Variants in RGS7BP observed in about 807,000 individuals in gnomAD.
RGS7BP encodes regulator of G protein signaling 7-binding protein.
In RGS7BP, 9 loss-of-function variants were observed where a neutral mutation model predicts 31.3. The observed-to-expected ratio is 0.29, with a 90% CI of 0.17 to 0.50. The LOEUF is 0.50. RGS7BP is among the 20% of genes least tolerant of loss of function. The pLI is 0.98. For missense variants in RGS7BP, 274 were observed against 322.0 expected (o/e 0.85, Z 1.14); for synonymous variants, 115 against 120.1 (o/e 0.96, Z 0.28).
intron 2 of RGS7BP, among the ~76,000 whole-genome samples, chr5:64,565,364 T>C (rs1742144984): frequency 6.6e-6 from 1 of 152,162 alleles, no homozygotes; most frequent in Non-Finnish European, 1.5e-5. Flanking sequence ...TGCCTGTGTA[T>C]ATGTATATTC....
At position 64,548,540 on chromosome 5, in the gene RGS7BP, C is replaced by T. The variant is rs538772310; in HGVS notation, c.333-27234C>T. On this transcript the variant is annotated intron_variant, in intron 2 of 5. Transcript: ENST00000334025. ...TTTTTTACTTTCTGAGATGGAGTCT[C>T]GCTCTGTCACCCAGGCTGGAGTGCA... Among the ~76,000 whole-genome samples the T allele has an allele frequency of 1.6e-4, 25 of 152,250 alleles. No homozygotes were observed. The East Asian group carries it at 4.6e-3, about 28-fold the overall frequency.
chr5:64,563,576 A>G (rs141697121), intron 2 of RGS7BP, among the ~76,000 whole-genome samples: 1 of 152,216 alleles, frequency 6.6e-6, no homozygotes, highest in East Asian at 1.9e-4. Flanking sequence ...TTGCCAGAAA[A>G]CTAACAGATG....
intron 2 of RGS7BP, among the ~76,000 whole-genome samples, chr5:64,511,722 G>A (rs1046450068): frequency 9.2e-5 from 14 of 152,154 alleles, no homozygotes; most frequent in Non-Finnish European, 1.6e-4. Flanking sequence ...GACTTTTGAG[G>A]CAACTTGACA....
chr5:64,608,243 T>C (rs1743414499), intron 5 of RGS7BP, among the ~76,000 whole-genome samples: 1 of 152,054 alleles, frequency 6.6e-6, no homozygotes, highest in Non-Finnish European at 1.5e-5. Flanking sequence ...GGGACCCACA[T>C]TGACAAGTTC....
At chr5:64,528,353 G>T (rs994278995) in intron 2 of RGS7BP, among the ~76,000 whole-genome samples, 13 of 152,090 alleles carry the variant, frequency 8.5e-5, no homozygotes, top group African/African-American at 3.1e-4. Context: ...GTGTATTGGT[G>T]GTTATGAAGA....
chr5:64,533,646 T>C (rs1184190526), intron 2 of RGS7BP, among the ~76,000 whole-genome samples: 1 of 152,192 alleles, frequency 6.6e-6, no homozygotes, highest in Non-Finnish European at 1.5e-5. Context: ...CATATTTTTC[T>C]TCCATAAATA....
intron 2 of RGS7BP, among the ~76,000 whole-genome samples, chr5:64,539,088 G>A (rs1014504897): frequency 2.6e-5 from 4 of 152,106 alleles, no homozygotes; most frequent in African/African-American, 9.7e-5. Flanking sequence ...AGTGTAGAGA[G>A]ATATCTTGTG....
intron 2 of RGS7BP, among the ~76,000 whole-genome samples, chr5:64,517,905 C>G (rs556293218): frequency 3.2e-4 from 48 of 151,818 alleles, no homozygotes; most frequent in African/African-American, 1.1e-3. Flanking sequence ...GATTGAGACT[C>G]TTTAAAAAAT....
At chr5:64,507,298 C>G (rs1748718151) in intron 1 of RGS7BP, among the ~76,000 whole-genome samples, 1 of 152,128 alleles carries the variant, frequency 6.6e-6, no homozygotes, top group South Asian at 2.1e-4. Flanking sequence ...CCCTACCTGT[C>G]GCCTCCCCCG....
intron 2 of RGS7BP, among the ~76,000 whole-genome samples, chr5:64,519,114 A>G (rs1749044477): frequency 6.6e-6 from 1 of 152,198 alleles, no homozygotes; most frequent in African/African-American, 2.4e-5. Context: ...CCTGAGGCCT[A>G]GGACAGGATC....
chr5:64,562,236 G>C (rs1424785120), intron 2 of RGS7BP, among the ~76,000 whole-genome samples: 1 of 151,746 alleles, frequency 6.6e-6, no homozygotes, highest in Admixed American at 6.6e-5. Flanking sequence ...TGAATAGCAG[G>C]GACTCAATAA....
intron 2 of RGS7BP, among the ~76,000 whole-genome samples, chr5:64,527,963 T>G (rs1229186232): frequency 6.6e-6 from 1 of 152,232 alleles, no homozygotes; most frequent in Non-Finnish European, 1.5e-5. Flanking sequence ...TGTCAAACCT[T>G]GCATATCAGT....
Position 64,507,782 on chromosome 5 carries a change from C to A in RGS7BP, c.237C>A (p.Val79=). ...ELVISIGDVS[V]SCPSLRAEMH... ...TCATTTCTATTGGGGATGTCTCGGT[C>A]AGCTGCCCCTCACTCCGGGCGGAAA... The change falls in exon 2 of 6, where the codon GTC becomes GTA. Residue 79 remains valine (V), a synonymous_variant. Coordinates refer to ENST00000334025, the MANE Select transcript of RGS7BP (RefSeq NM_001029875.3). The A allele has an allele frequency of 6.2e-7, 1 of 1,613,894 alleles. No homozygotes were observed. Among genetic ancestry groups the A allele is most frequent in the Non-Finnish European group, 8.5e-7 (1 of 1,179,962 alleles).
chr5:64,506,504 T>C lies in RGS7BP; in HGVS notation c.-121T>C, dbSNP rs1417148843. ...CGACCCGCGCAGCCAGCCCCAGCAC[T>C]GTGAGCTGCGCGCCTCAGGTCCGGG... On this transcript the variant is annotated 5_prime_UTR_variant, in exon 1 of 6. Transcript: ENST00000334025. The surrounding 1 kb of genome is among the most constrained non-coding windows in gnomAD (Gnocchi z 4.6). 3 of 802,856 alleles carry C rather than the reference T, an allele frequency of 3.7e-6. No individual in the cohort carries two copies. Among genetic ancestry groups the C allele is most frequent in the Non-Finnish European group, 5.8e-6 (3 of 515,008 alleles). 49.7% of individuals were successfully genotyped at this position (802,856 alleles called of 1,614,324 possible). A position where few individuals can be genotyped will look rare whatever the true frequency, so the allele number is the denominator to read the frequency against.
In RGS7BP at chr5:64,507,696, T is replaced by C; in HGVS notation, c.166-15T>C. ...AAATGTTTGGTAAAAAAAAAAAAACTCACTTCTTTTCCAGCTTGTCCAAGA... is the reference window on the plus strand; with the variant it reads ...AAATGTTTGGTAAAAAAAAAAAAACCCACTTCTTTTCCAGCTTGTCCAAGA... On this transcript the variant is annotated splice_polypyrimidine_tract_variant and intron_variant, in intron 1 of 5. Transcript: ENST00000334025. 1.3e-6 allele frequency: 2 copies of C among 1,534,834 alleles called. No individual in the cohort carries two copies. Among genetic ancestry groups the C allele is most frequent in the East Asian group, 2.3e-5 (1 of 43,512 alleles).
intron 2 of RGS7BP, among the ~76,000 whole-genome samples, chr5:64,536,644 C>T (rs1234015420): frequency 6.6e-6 from 1 of 152,146 alleles, no homozygotes. Context: ...TTACGTGAGT[C>T]ACTGGATTAA....
At chr5:64,587,265 T>C (rs1742783795) in intron 3 of RGS7BP, among the ~76,000 whole-genome samples, 1 of 152,104 alleles carries the variant, frequency 6.6e-6, no homozygotes, top group African/African-American at 2.4e-5. Flanking sequence ...TCCCACAACC[T>C]TGAAAAACAA....
chr5:64,516,655 G>C (rs952055506), intron 2 of RGS7BP, among the ~76,000 whole-genome samples: 1 of 152,124 alleles, frequency 6.6e-6, no homozygotes, highest in African/African-American at 2.4e-5. Context: ...GGATGTCCTC[G>C]GACCTGAAGA....
intron 3 of RGS7BP, among the ~76,000 whole-genome samples, chr5:64,587,847 T>C (rs1340568804): frequency 1.3e-5 from 2 of 152,088 alleles, no homozygotes; most frequent in Non-Finnish European, 2.9e-5. Flanking sequence ...CTAGAAGAAA[T>C]GCTTTTGACA....
Sources: gnomAD v4.1 joint callset for allele counts (sites outside exome capture counted in the v4.1 genomes callset) on GRCh38, gnomAD v4.1.1 for gene constraint, Gnocchi (gnomAD v3.1) non-coding constraint, MANE v1.5 for transcripts, NCBI Gene and HGNC (gene_info 2026-07-23, HGNC 2026-07-21) for gene names.